The following PPFIBP2 variants were observed in gnomAD, a reference collection of about 807,000 sequenced individuals.
PPFIBP2 encodes the protein PPFIB scaffold protein 2.
In PPFIBP2, 118 loss-of-function variants were observed where a neutral mutation model predicts 118.3. The ratio of observed to expected loss-of-function variants is 1.00; its 90% CI spans 0.86 to 1.16. The LOEUF (loss-of-function observed/expected upper bound fraction) is 1.16. Ranked by LOEUF, PPFIBP2 falls within the 50% of genes most tolerant of loss-of-function variation. PPFIBP2 has a pLI of 0.00. For missense variants in PPFIBP2, 1,195 were observed against 1,073.1 expected (o/e 1.11, Z -1.59); for synonymous variants, 414 against 397.4 (o/e 1.04, Z -0.50).
intron 10 of PPFIBP2, among the ~76,000 whole-genome samples, chr11:7,630,649 C>T (rs1004119820): frequency 6.6e-6 from 1 of 152,160 alleles, no homozygotes; most frequent in Non-Finnish European, 1.5e-5. Flanking sequence ...TCAAGTCACT[C>T]TCAGGGCCTT....
chr11:7,561,032 G>T (rs544670513), intron 2 of PPFIBP2, among the ~76,000 whole-genome samples: 1 of 152,030 alleles, frequency 6.6e-6, no homozygotes, highest in Non-Finnish European at 1.5e-5. Context: ...TTGTATGAAG[G>T]CTATACTGAG....
In PPFIBP2 at chr11:7,565,561, A is replaced by C; in HGVS notation, c.73A>C (p.Thr25Pro). 2 of 1,614,156 alleles carry C rather than the reference A, an allele frequency of 1.2e-6. No individual in the cohort carries two copies. Among genetic ancestry groups the C allele is most frequent in the South Asian group, 2.2e-5 (2 of 91,082 alleles). ...CCTCTCTCTCATTGCAGGCACTAAAACAGGTGCAGATCTTAGTGATGGTAC... is the reference window on the plus strand; with the variant it reads ...CCTCTCTCTCATTGCAGGCACTAAACCAGGTGCAGATCTTAGTGATGGTAC... The part of the protein sequence containing the change: ...QMDGIIAGTK[T>P]GADLSDGTCE... Residue 25 changes from threonine to proline, a missense_variant, in exon 3 of 24, where the codon ACA becomes CCA. Coordinates refer to ENST00000299492, the MANE Select transcript of PPFIBP2 (RefSeq NM_003621.5).
intron 3 of PPFIBP2, among the ~76,000 whole-genome samples, chr11:7,580,237 A>G (rs1351521092): frequency 6.6e-6 from 1 of 152,154 alleles, no homozygotes; most frequent in East Asian, 1.9e-4. Context: ...GTCTTTTCCC[A>G]GGAAACCTCT....
intron 17 of PPFIBP2, among the ~76,000 whole-genome samples, chr11:7,647,902 T>C (rs1297775271): frequency 1.3e-5 from 2 of 152,252 alleles, no homozygotes; most frequent in Non-Finnish European, 2.9e-5. Context: ...ATAAGTAATG[T>C]GCTAGCTGTT....
chr11:7,620,954 G>A lies in PPFIBP2; in HGVS notation c.638G>A (p.Arg213Lys). The A allele has an allele frequency of 6.2e-7, 1 of 1,611,774 alleles. No individual in the cohort carries two copies. The highest frequency in any genetic ancestry group is 1.7e-5 in the Admixed American group (1 of 60,018). The change falls in exon 7 of 24, where the codon AGG becomes AAG. Residue 213 changes from arginine (R) to lysine (K), a missense_variant. Arg to Lys is a conservative substitution (Grantham distance 26). Transcript: ENST00000299492. ...RKAEELLQEL[R>K]HLKIKVEELE... is the part of the protein sequence containing the mutation. The stretch of plus-strand genomic sequence containing the variant: ...CCCTAGGAGTTACTGCAAGAGCTCA[G>A]GCACCTCAAAATCAAAGTGGAAGAG...
intron 13 of PPFIBP2, among the ~76,000 whole-genome samples, chr11:7,634,942 A>G (rs962233985): frequency 3.3e-5 from 5 of 152,170 alleles, no homozygotes; most frequent in Admixed American, 3.3e-4. Context: ...GACATCGTAT[A>G]GATTTTTTTA....
At chr11:7,586,847 C>T (rs897032663) in intron 3 of PPFIBP2, among the ~76,000 whole-genome samples, 8 of 152,332 alleles carry the variant, frequency 5.3e-5, no homozygotes, top group East Asian at 1.9e-4. Context: ...AGCCTCCCAG[C>T]GCCCAGACCT....
At chr11:7,627,184 G>A (rs1049805372) in intron 8 of PPFIBP2, among the ~76,000 whole-genome samples, 1 of 152,138 alleles carries the variant, frequency 6.6e-6, no homozygotes, top group African/African-American at 2.4e-5. Context: ...CTGGTCCTTG[G>A]GTCATTTGCT....
intron 1 of PPFIBP2, among the ~76,000 whole-genome samples, chr11:7,540,340 GA>G (rs1201061864): frequency 3.9e-5 from 6 of 152,170 alleles, no homozygotes; most frequent in Non-Finnish European, 7.3e-5. Flanking sequence ...AGGTGAAGAT[GA>G]GGGGACAGAT....
chr11:7,637,061 C>A (rs1021256928), intron 14 of PPFIBP2, among the ~76,000 whole-genome samples: 1 of 152,230 alleles, frequency 6.6e-6, no homozygotes, highest in African/African-American at 2.4e-5. Context: ...CCCTCCACAT[C>A]TAGCCCATGG....
chr11:7,578,464 C>T (rs139503115), intron 3 of PPFIBP2, among the ~76,000 whole-genome samples: 248 of 152,304 alleles, frequency 1.6e-3, no homozygotes, highest in African/African-American at 5.6e-3. Flanking sequence ...TGCAGATGCC[C>T]GGACCCCGAC....
At chr11:7,552,391 A>G (rs573854501) in intron 2 of PPFIBP2, among the ~76,000 whole-genome samples, 1 of 152,312 alleles carries the variant, frequency 6.6e-6, no homozygotes, top group African/African-American at 2.4e-5. Context: ...ACGGGGTAGT[A>G]TTCTATTTAT....
chr11:7,517,770 C>T (rs567728560), intron 1 of PPFIBP2, among the ~76,000 whole-genome samples: 50 of 152,282 alleles, frequency 3.3e-4, no homozygotes, highest in African/African-American at 1.1e-3. Flanking sequence ...ACCCTTGGCT[C>T]GGATGAAGTG....
intron 17 of PPFIBP2, among the ~76,000 whole-genome samples, chr11:7,644,111 T>C (rs1852618165): frequency 7.1e-6 from 1 of 140,382 alleles, no homozygotes. Flanking sequence ...TGCATTTTTG[T>C]TCATTATTAT....
intron 3 of PPFIBP2, among the ~76,000 whole-genome samples, chr11:7,579,114 G>A (rs190446068): frequency 9.2e-5 from 14 of 152,262 alleles, no homozygotes; most frequent in Non-Finnish European, 8.8e-5. Context: ...GCTATGTTGG[G>A]AAAAGTGAGG....
In PPFIBP2 at chr11:7,653,221, C is replaced by A; in HGVS notation, c.*3C>A. Reference sequence around the variant, plus strand: ...ACCAGGTGGGACAGATTAGCTGATGCCCTTGTCACCTGCCCTCTGTGCACC... The same window carrying A: ...ACCAGGTGGGACAGATTAGCTGATGACCTTGTCACCTGCCCTCTGTGCACC... On this transcript the variant is annotated 3_prime_UTR_variant, in exon 24 of 24. Transcript: ENST00000299492. 6.2e-7 allele frequency: 1 copy of A among 1,614,052 alleles called. No homozygotes were observed. Among genetic ancestry groups the A allele is most frequent in the Non-Finnish European group, 8.5e-7 (1 of 1,180,010 alleles).
the PPFIBP2 span, among the ~76,000 whole-genome samples, chr11:7,664,527 T>TGACA: frequency 6.6e-6 from 1 of 152,220 alleles, no homozygotes; most frequent in Non-Finnish European, 1.5e-5. Context: ...CTTCTGTAGC[T>TGACA]GACAACCAAC....
intron 1 of PPFIBP2, among the ~76,000 whole-genome samples, chr11:7,523,128 A>T (rs1198586523): frequency 1.3e-5 from 2 of 152,166 alleles, no homozygotes; most frequent in African/African-American, 4.8e-5. Flanking sequence ...CAGCTGTCCG[A>T]TGAGGAGTGA....
intron 1 of PPFIBP2, among the ~76,000 whole-genome samples, chr11:7,527,095 C>T (rs530748332): frequency 6.6e-6 from 1 of 150,988 alleles, no homozygotes; most frequent in East Asian, 2.0e-4. Context: ...TCCTGGATCA[C>T]TCCCTTCTAT....
Sources: gnomAD v4.1 joint callset for allele counts (sites outside exome capture counted in the v4.1 genomes callset) on GRCh38, gnomAD v4.1.1 for gene constraint, MANE v1.5 for transcripts, NCBI Gene and HGNC (gene_info 2026-07-23, HGNC 2026-07-21) for gene names.